The following LRRC4B variants were observed in gnomAD, a reference collection of about 807,000 sequenced individuals.
LRRC4B encodes the protein leucine-rich repeat-containing protein 4B.
Under a neutral mutation model 7.3 loss-of-function variants are expected in LRRC4B, and 1 was observed. That is an observed-to-expected ratio of 0.14 (90% CI 0.05 to 0.65). LRRC4B has a LOEUF of 0.65. Ranked by LOEUF, LRRC4B falls within the 30% of genes least tolerant of loss-of-function variation. The probability of loss-of-function intolerance (pLI) is 0.84; values close to 1 mark genes in which losing one functional copy is unlikely to be tolerated. For synonymous variants in LRRC4B, 500 were observed against 499.2 expected (o/e 1.00, Z -0.02); for missense variants, 730 against 1,041.6 (o/e 0.70, Z 4.12).
intron 2 of LRRC4B, among the ~76,000 whole-genome samples, chr19:50,541,994 C>T (rs1038795390): frequency 2.6e-5 from 4 of 152,114 alleles, no homozygotes; most frequent in African/African-American, 9.7e-5. Context: ...AAACACAGGC[C>T]GAGCGAACAC....
At chr19:50,549,793 C>T (rs1981975927) in intron 1 of LRRC4B, among the ~76,000 whole-genome samples, 1 of 152,170 alleles carries the variant, frequency 6.6e-6, no homozygotes, top group Admixed American at 6.5e-5. Flanking sequence ...ACTGTGGGTG[C>T]TCCAGGCAGA....
intron 2 of LRRC4B, among the ~76,000 whole-genome samples, chr19:50,541,509 G>A (rs1397993101): frequency 6.6e-6 from 1 of 152,116 alleles, no homozygotes. Context: ...GACCGCTGAT[G>A]TAACCAGTCC....
chr19:50,541,282 T>C (rs770460079), intron 2 of LRRC4B, among the ~76,000 whole-genome samples: 1 of 147,602 alleles, frequency 6.8e-6, no homozygotes, highest in Non-Finnish European at 1.5e-5. Context: ...GGAGAATCGC[T>C]TGAACCTGGG....
chr19:50,527,299 T>C (rs1441399429), intron 2 of LRRC4B, among the ~76,000 whole-genome samples: 1 of 151,810 alleles, frequency 6.6e-6, no homozygotes, highest in Non-Finnish European at 1.5e-5. Context: ...CCCAAAGTGC[T>C]GGGATTACAG....
intron 2 of LRRC4B, among the ~76,000 whole-genome samples, chr19:50,544,506 CA>C (rs200624838): frequency 0.29 from 36,336 of 125,946 alleles, 4,669 homozygotes; most frequent in Admixed American, 0.41. Flanking sequence ...GACTCCGTCT[CA>C]AAAAAAAAAA....
chr19:50,546,680 T>C (rs1308869334), intron 2 of LRRC4B, among the ~76,000 whole-genome samples: 3 of 152,120 alleles, frequency 2.0e-5, no homozygotes, highest in South Asian at 4.1e-4. Flanking sequence ...CATAAATGAA[T>C]GTACGTCCGC....
At position 50,556,890 on chromosome 19, in the gene LRRC4B, G is replaced by A. The variant is rs551829354; in HGVS notation, c.-35-8017C>T. ...ACAGGGTGGGCCCCGGAACGTCCAG[G>A]AGGGAAGCCGGGAGGAGGGAATGTC... On this transcript the variant is annotated intron_variant, in intron 1 of 2. Coordinates refer to ENST00000652263, the MANE Select transcript of LRRC4B (RefSeq NM_001080457.2). This position sits in a 1 kb window ranked among gnomAD's most constrained non-coding sequence, Gnocchi z 4.2. Among the ~76,000 whole-genome samples, 1 of 152,190 alleles carries A rather than the reference G, an allele frequency of 6.6e-6. No individual in the cohort carries two copies. Among genetic ancestry groups the A allele is most frequent in the African/African-American group, 2.4e-5 (1 of 41,530 alleles).
chr19:50,565,526 C>CGTGTGTGTGTGTGTGTGTGT (rs67157266), intron 1 of LRRC4B, among the ~76,000 whole-genome samples: 7 of 147,326 alleles, frequency 4.8e-5, no homozygotes, highest in African/African-American at 1.8e-4. Context: ...TGTGTGCTCT[C>CGTGTGTGTGTGTGTGTGTGT]GTGTGTGTGT....
chr19:50,564,875 A>ACCC (rs917365866), intron 1 of LRRC4B, among the ~76,000 whole-genome samples: 1 of 48,472 alleles, frequency 2.1e-5, no homozygotes, highest in African/African-American at 7.6e-5. Flanking sequence ...TTCAGCGGCC[A>ACCC]CCCCCGCCCC....
At chr19:50,535,926 A>T (rs192651653) in intron 2 of LRRC4B, among the ~76,000 whole-genome samples, 1 of 152,286 alleles carries the variant, frequency 6.6e-6, no homozygotes, top group Admixed American at 6.5e-5. Flanking sequence ...AGGGGATGAG[A>T]TCTATATCAG....
chr19:50,522,105 G>C (rs1225729809), intron 2 of LRRC4B, among the ~76,000 whole-genome samples: 1 of 152,130 alleles, frequency 6.6e-6, no homozygotes, highest in African/African-American at 2.4e-5. Context: ...CTGAGCCCAG[G>C]AGGCCAAGGC....
rs777597361 is a variant in LRRC4B, at chr19:50,518,900, G to A, written c.813C>T (p.Asn271=). The change falls in exon 3 of 3, where the codon AAC becomes AAT. Residue 271 remains asparagine (N), a synonymous_variant. Transcript: ENST00000652263. ...MHAQVATIER[N]AFDDLKSLEE... ...CCAGCGACTTGAGGTCGTCGAAGGC[G>A]TTGCGCTCGATGGTGGCTACCTGGG... The A allele has an allele frequency of 1.9e-6, 3 of 1,614,074 alleles. No individual in the cohort carries two copies. Among genetic ancestry groups the A allele is most frequent in the Admixed American group, 3.3e-5 (2 of 60,028 alleles).
rs2122894948 is a variant in LRRC4B, at chr19:50,548,940, T to C, written c.-35-67A>G. ...CAGGAGCCCATGTGGCCTGGGTGCT[T>C]GCCAACACCCAGGCAGCCCCATCGC... On this transcript the variant is annotated intron_variant, in intron 1 of 2. Coordinates refer to ENST00000652263, the MANE Select transcript of LRRC4B (RefSeq NM_001080457.2). The surrounding 1 kb of genome is among the most constrained non-coding windows in gnomAD (Gnocchi z 6.8). The C allele has an allele frequency of 4.7e-6, 4 of 855,260 alleles. No individual in the cohort carries two copies. The highest frequency in any genetic ancestry group is 3.6e-5 in the South Asian group (2 of 55,740). The allele number at this position is 855,260 out of a possible 1,614,324, so 53.0% of individuals were successfully genotyped here.
intron 2 of LRRC4B, among the ~76,000 whole-genome samples, chr19:50,543,623 G>T (rs1029274614): frequency 1.3e-5 from 2 of 151,850 alleles, no homozygotes; most frequent in African/African-American, 4.8e-5. Flanking sequence ...AGGCCGAGGT[G>T]GGCGGATCCC....
chr19:50,526,418 A>G (rs1292089832), intron 2 of LRRC4B, among the ~76,000 whole-genome samples: 2 of 152,078 alleles, frequency 1.3e-5, no homozygotes, highest in African/African-American at 4.8e-5. Context: ...TCCCCACCCC[A>G]GTCTGGTCAG....
chr19:50,551,049 C>G (rs1048210251), intron 1 of LRRC4B: 2 of 152,206 alleles, frequency 1.3e-5, no homozygotes, highest in African/African-American at 4.8e-5. Flanking sequence ...GCATCTGTCC[C>G]CAGCTCTCCC....
In LRRC4B at chr19:50,548,192, T is replaced by G. The variant is rs1981892617; in HGVS notation, c.297+350A>C. 6.6e-6 allele frequency among the ~76,000 whole-genome samples: 1 copy of G among 152,162 alleles called. No homozygotes were observed. Among genetic ancestry groups the G allele is most frequent in the Non-Finnish European group, 1.5e-5 (1 of 68,018 alleles). ...CCACGAGAGGGTGTGGTGGTGCAGATGCCACAGGGGTCCCTGTGAAAGGGT... is the reference window on the plus strand; with the variant it reads ...CCACGAGAGGGTGTGGTGGTGCAGAGGCCACAGGGGTCCCTGTGAAAGGGT... On this transcript the variant is annotated intron_variant, in intron 2 of 2. Coordinates refer to ENST00000652263, the MANE Select transcript of LRRC4B (RefSeq NM_001080457.2). This position sits in a 1 kb window ranked among gnomAD's most constrained non-coding sequence, Gnocchi z 6.8.
chr19:50,517,293 A>T lies in LRRC4B; in HGVS notation c.*278T>A, dbSNP rs1323325777. On this transcript the variant is annotated 3_prime_UTR_variant, in exon 3 of 3. Coordinates refer to ENST00000652263, the MANE Select transcript of LRRC4B (RefSeq NM_001080457.2). This position sits in a 1 kb window ranked among gnomAD's most constrained non-coding sequence, Gnocchi z 6.6. ...GTGGGAGAGCGAGGAGGAAACGCGG[A>T]GAACTCAGGCCACTTCTCCTGGGTC... The T allele has an allele frequency of 6.6e-6, 2 of 301,776 alleles. No homozygotes were observed. Among genetic ancestry groups the T allele is most frequent in the Non-Finnish European group, 1.2e-5 (2 of 163,232 alleles). 18.7% of individuals were successfully genotyped at this position (301,776 alleles called of 1,614,324 possible).
intron 2 of LRRC4B, among the ~76,000 whole-genome samples, chr19:50,536,040 C>T (rs1042365619): frequency 3.3e-5 from 5 of 152,092 alleles, no homozygotes; most frequent in Admixed American, 6.5e-5. Context: ...GGGCCTACAC[C>T]GCTTCCTGGG....
Sources: gnomAD v4.1 joint callset for allele counts (sites outside exome capture counted in the v4.1 genomes callset) on GRCh38, gnomAD v4.1.1 for gene constraint, Gnocchi (gnomAD v3.1) non-coding constraint, MANE v1.5 for transcripts, NCBI Gene and HGNC (gene_info 2026-07-23, HGNC 2026-07-21) for gene names.